The following OMD variants were observed in gnomAD, a reference collection of about 807,000 sequenced individuals.
OMD encodes osteomodulin.
OMD carries 19 observed loss-of-function variants against 31.2 expected under a neutral mutation model. The observed-to-expected ratio is 0.61, with a 90% CI of 0.42 to 0.89. The LOEUF (loss-of-function observed/expected upper bound fraction) is 0.89. Among genes scored for constraint, OMD ranks in the 40% least tolerant of loss-of-function variants. The pLI, the probability that OMD is intolerant of heterozygous loss-of-function variation, is 0.00. For missense variants in OMD, 448 were observed against 490.8 expected (o/e 0.91, Z 0.82); for synonymous variants, 155 against 166.4 (o/e 0.93, Z 0.53).
In OMD at chr9:92,413,585, C is replaced by T. The variant is rs1018567223; in HGVS notation, c.*1567G>A. Among the ~76,000 whole-genome samples, 2 of 152,010 alleles carry T rather than the reference C, an allele frequency of 1.3e-5. No homozygotes were observed. The highest frequency in any genetic ancestry group is 4.8e-5 in the African/African-American group (2 of 41,386). On this transcript the variant is annotated 3_prime_UTR_variant, in exon 3 of 3. Transcript: ENST00000375550. ...AACTCTTAATGTTTGAATTTATATCCTGTATTTAAAAATTGCAAGAAAAGG... is the reference window on the plus strand; with the variant it reads ...AACTCTTAATGTTTGAATTTATATCTTGTATTTAAAAATTGCAAGAAAAGG...
rs1843476917 is a variant in OMD at position 92,412,676 on chromosome 9, A to G, written c.*2476T>C. 6.6e-6 allele frequency among the ~76,000 whole-genome samples: 1 copy of G among 152,178 alleles called. No individual in the cohort carries two copies. The highest frequency in any genetic ancestry group is 2.4e-5 in the African/African-American group (1 of 41,442). ...TTTTCAAGGTTATCCATGTTGTAGC[A>G]TATGTCAGTGCTTCGTTACTTTTTA... On this transcript the variant is annotated 3_prime_UTR_variant, in exon 3 of 3. Transcript: ENST00000375550.
At chr9:92,422,652 C>G (rs1321171286) in intron 1 of OMD, among the ~76,000 whole-genome samples, 1 of 152,218 alleles carries the variant, frequency 6.6e-6, no homozygotes, top group Non-Finnish European at 1.5e-5. Flanking sequence ...ACGTTCCTAA[C>G]CATGTAGTAC....
chr9:92,422,868 T>A (rs1843851882), intron 1 of OMD, among the ~76,000 whole-genome samples: 1 of 152,250 alleles, frequency 6.6e-6, no homozygotes. Flanking sequence ...TTGTTACTTC[T>A]GCTTTTCATA....
Position 92,413,743 on chromosome 9 carries a change from T to C in OMD, c.*1409A>G, listed in dbSNP as rs1843508814. 6.6e-6 allele frequency among the ~76,000 whole-genome samples: 1 copy of C among 152,218 alleles called. No individual in the cohort carries two copies. Among genetic ancestry groups the C allele is most frequent in the South Asian group, 2.1e-4 (1 of 4,826 alleles). On this transcript the variant is annotated 3_prime_UTR_variant, in exon 3 of 3. Coordinates refer to ENST00000375550, the MANE Select transcript of OMD (RefSeq NM_005014.3). ...AAGCCCTATATAAGAAAGGACTTGATGAATGTTGATTAGACGAATGAATGG... is the reference window on the plus strand; with the variant it reads ...AAGCCCTATATAAGAAAGGACTTGACGAATGTTGATTAGACGAATGAATGG...
rs1265998338 is a variant in OMD, at chr9:92,415,272, TCTC to T, written c.1143_1145del (p.Arg382del). On this transcript the variant is annotated inframe_deletion, in exon 3 of 3. Transcript: ENST00000375550. ...CACTTTCATCATCATCATCTGGAAA[TCTC>T]CTGAAAACTTGTGTCTTTAGTTGTA... The T allele has an allele frequency of 1.2e-6, 2 of 1,613,654 alleles. No individual in the cohort carries two copies. Among genetic ancestry groups the T allele is most frequent in the Non-Finnish European group, 1.7e-6 (2 of 1,179,800 alleles).
At chr9:92,422,177 A>G (rs985512411) in intron 1 of OMD, among the ~76,000 whole-genome samples, 3 of 151,836 alleles carry the variant, frequency 2.0e-5, no homozygotes, top group Non-Finnish European at 4.4e-5. Context: ...CAGCCTCCTG[A>G]GTAGCTGGGA....
chr9:92,416,761 G>T lies in OMD; in HGVS notation c.798C>A (p.His266Gln), dbSNP rs771823316. The T allele has an allele frequency of 1.2e-6, 2 of 1,613,678 alleles. No homozygotes were observed. Among genetic ancestry groups the T allele is most frequent in the East Asian group, 2.2e-5 (1 of 44,812 alleles). ...LPKLHTLRMS[H>Q]NKLQDIPYNI... is the part of the protein sequence containing the mutation. ...TATATGGGATGTCTTGTAGTTTGTTGTGTGACATTCTTAGAGTATGAAGTT... is the reference window on the plus strand; with the variant it reads ...TATATGGGATGTCTTGTAGTTTGTTTTGTGACATTCTTAGAGTATGAAGTT... Residue 266 changes from histidine to glutamine, a missense_variant, in exon 2 of 3, where the codon CAC (histidine) becomes CAA (glutamine). By Grantham distance (24) the His-to-Gln change is conservative. Transcript: ENST00000375550.
In OMD at chr9:92,417,548, A is replaced by T; in HGVS notation, c.11T>A (p.Leu4Ter). Residue 4 changes from leucine (L) to a stop codon, truncating the protein, a stop_gained, in exon 2 of 3, where the codon TTA (leucine) becomes TAA (stop). Coordinates refer to ENST00000375550, the MANE Select transcript of OMD (RefSeq NM_005014.3). LOFTEE classifies it high-confidence loss of function. ...GAAGAAAATAACATATATTGGACTT[A>T]AAAAACCCATCTTCTTTTTTTTTTT... MGF[L>*]SPIYVIFFFF... is the part of the protein sequence containing the mutation. The T allele has an allele frequency of 6.4e-7, 1 of 1,565,832 alleles. No individual in the cohort carries two copies. Among genetic ancestry groups the T allele is most frequent in the South Asian group, 1.2e-5 (1 of 83,450 alleles).
chr9:92,417,597 CAT>C (rs1843657017), intron 1 of OMD, 23 bp from the exon 2 acceptor site: 2 of 1,288,162 alleles, frequency 1.6e-6, no homozygotes, highest in Admixed American at 4.7e-5. Context: ...GAAAAGGAAA[CAT>C]TGTGGAGAAA....
intron 1 of OMD, 33 bp from the exon 2 acceptor site, chr9:92,417,607 A>C (rs1423996685): frequency 6.2e-6 from 7 of 1,137,502 alleles, no homozygotes; most frequent in Non-Finnish European, 8.7e-6. Flanking sequence ...CATTGTGGAG[A>C]AAGTGAGTAA....
intron 2 of OMD, among the ~76,000 whole-genome samples, chr9:92,415,713 A>G (rs1162396254): frequency 6.7e-6 from 1 of 149,842 alleles, no homozygotes; most frequent in Non-Finnish European, 1.5e-5. Flanking sequence ...ATAAATTCCT[A>G]GTAGAACAAT....
Position 92,415,258 on chromosome 9 carries a change from T to C in OMD, c.1160A>G (p.Asp387Gly), listed in dbSNP as rs1452923868. 3.7e-6 allele frequency: 6 copies of C among 1,613,886 alleles called. No individual in the cohort carries two copies. Among genetic ancestry groups the C allele is most frequent in the Non-Finnish European group, 4.2e-6 (5 of 1,179,828 alleles). ...TQVFRRFPDD[D>G]DESEDHDDPD... ...ATCATCGTGATCTTCACTTTCATCA[T>C]CATCATCTGGAAATCTCCTGAAAAC... Residue 387 changes from aspartate to glycine, a missense_variant, in exon 3 of 3, where the codon GAT becomes GGT. Coordinates refer to ENST00000375550, the MANE Select transcript of OMD (RefSeq NM_005014.3).
Position 92,415,359 on chromosome 9 carries a change from G to A in OMD, c.1059C>T (p.Cys353=). Residue 353 remains cysteine, a synonymous_variant, in exon 3 of 3, where the codon TGC becomes TGT. Transcript: ENST00000375550. ...KEPISSYIFF[C]FPHIHTIYYG... is the part of the protein sequence containing the mutation. ...AATAAATAGTGTGTATATGAGGGAA[G>A]CAGAAGAAGATGTATGAGCTTATTG... 2 of 1,613,364 alleles carry A rather than the reference G, an allele frequency of 1.2e-6. No individual in the cohort carries two copies. The highest frequency in any genetic ancestry group is 1.7e-6 in the Non-Finnish European group (2 of 1,179,482).
intron 1 of OMD, among the ~76,000 whole-genome samples, chr9:92,422,724 A>G (rs1348827056): frequency 6.6e-6 from 1 of 151,954 alleles, no homozygotes; most frequent in South Asian, 2.1e-4. Flanking sequence ...TCCTGTTTTC[A>G]TCTATATGCT....
chr9:92,415,499 T>G (rs1458324111), intron 2 of OMD, 22 bp from the exon 3 acceptor site: 1 of 1,410,708 alleles, frequency 7.1e-7, no homozygotes, highest in Non-Finnish European at 9.6e-7. Context: ...AAATTAAAAA[T>G]TAATCTTGTA....
chr9:92,419,024 T>A (rs1055959535), intron 1 of OMD, among the ~76,000 whole-genome samples: 2 of 152,156 alleles, frequency 1.3e-5, no homozygotes, highest in Non-Finnish European at 2.9e-5. Flanking sequence ...CCCAGGTGTT[T>A]AAAGTCTTGT....
At chr9:92,415,972 TTA>T (rs1048555630) in intron 2 of OMD, among the ~76,000 whole-genome samples, 1 of 145,298 alleles carries the variant, frequency 6.9e-6, no homozygotes, top group Non-Finnish European at 1.5e-5. Flanking sequence ...AAATTGTCAG[TTA>T]TATATATATG....
rs1588114912 is a variant in OMD at position 92,416,745 on chromosome 9, T to C, written c.814A>G (p.Ile272Val). Residue 272 changes from isoleucine to valine, a missense_variant, in exon 2 of 3, where the codon ATC becomes GTC. Ile to Val is a conservative substitution (Grantham distance 29). Transcript: ENST00000375550. Reference protein sequence around the residue: ...LRMSHNKLQDIPYNIFNLPNI... With the variant: ...LRMSHNKLQDVPYNIFNLPNI... ...GGAAGATTAAAAATATTATATGGGA[T>C]GTCTTGTAGTTTGTTGTGTGACATT... 6.2e-7 allele frequency: 1 copy of C among 1,613,620 alleles called. No homozygotes were observed. The highest frequency in any genetic ancestry group is 8.5e-7 in the Non-Finnish European group (1 of 1,179,592).
intron 1 of OMD, among the ~76,000 whole-genome samples, chr9:92,422,174 C>G (rs1184874898): frequency 6.6e-6 from 1 of 152,074 alleles, no homozygotes; most frequent in Non-Finnish European, 1.5e-5. Flanking sequence ...CCTCAGCCTC[C>G]TGAGTAGCTG....
Sources: allele counts gnomAD v4.1 joint callset (sites outside exome capture counted in the v4.1 genomes callset), GRCh38; gene constraint gnomAD v4.1.1; transcripts MANE v1.5; gene names NCBI Gene and HGNC (gene_info 2026-07-23, HGNC 2026-07-21).